GMDS: variants seen among roughly 807,000 people sequenced by gnomAD.
The protein encoded by GMDS is GDP-mannose 4,6 dehydratase.
GMDS carries 20 observed loss-of-function variants against 49.9 expected under a neutral mutation model. The ratio of observed to expected loss-of-function variants is 0.40; its 90% CI spans 0.28 to 0.58. The LOEUF (loss-of-function observed/expected upper bound fraction) is 0.58, where lower values mean the gene tolerates loss of function less well. Among genes scored for constraint, GMDS ranks in the 20% least tolerant of loss-of-function variants. The probability of loss-of-function intolerance (pLI) is 0.42; values close to 1 mark genes in which losing one functional copy is unlikely to be tolerated. For synonymous variants in GMDS, 177 were observed against 178.6 expected (o/e 0.99, Z 0.07); for missense variants, 362 against 481.4 (o/e 0.75, Z 2.32).
chr6:2,211,810 T>A (rs79313174), intron 1 of GMDS, among the ~76,000 whole-genome samples: 16 of 152,230 alleles, frequency 1.1e-4, no homozygotes, highest in African/African-American at 3.1e-4. Flanking sequence ...TTTATTCAAT[T>A]TGAAAACAAT....
chr6:1,808,584 T>A (rs1261907051), intron 7 of GMDS, among the ~76,000 whole-genome samples: 1 of 152,196 alleles, frequency 6.6e-6, no homozygotes, highest in Non-Finnish European at 1.5e-5. Context: ...TTTCATACAG[T>A]TTAGTACAGA....
intron 7 of GMDS, among the ~76,000 whole-genome samples, chr6:1,856,946 A>C (rs973561992): frequency 6.6e-6 from 1 of 152,180 alleles, no homozygotes; most frequent in African/African-American, 2.4e-5. Context: ...TGAGTTTGTA[A>C]GTTTTTCAGC....
intron 1 of GMDS, among the ~76,000 whole-genome samples, chr6:2,200,564 G>A (rs1188916664): frequency 2.3e-5 from 3 of 128,588 alleles, no homozygotes; most frequent in East Asian, 5.0e-4. Flanking sequence ...TGAAGAGAGA[G>A]CACCACATGG....
chr6:2,147,572 C>T (rs1247254630), intron 1 of GMDS, among the ~76,000 whole-genome samples: 2 of 151,898 alleles, frequency 1.3e-5, no homozygotes, highest in African/African-American at 4.8e-5. Flanking sequence ...GGCGTTAAGA[C>T]ATTGGAAACC....
intron 1 of GMDS, among the ~76,000 whole-genome samples, chr6:2,187,576 T>C (rs906273747): frequency 3.9e-5 from 6 of 152,200 alleles, no homozygotes; most frequent in African/African-American, 1.2e-4. Context: ...CATGAGATCC[T>C]ATCCTATGAG....
chr6:1,795,239 T>C (rs553270242), intron 7 of GMDS, among the ~76,000 whole-genome samples: 2 of 152,260 alleles, frequency 1.3e-5, no homozygotes, highest in Admixed American at 6.5e-5. Flanking sequence ...AAAATGAATG[T>C]ATTTTCATAC....
chr6:1,755,517 A>G (rs988551736), intron 7 of GMDS, among the ~76,000 whole-genome samples: 1 of 149,226 alleles, frequency 6.7e-6, no homozygotes, highest in Non-Finnish European at 1.5e-5. Flanking sequence ...AGAATTAGAA[A>G]AAACTACTTT....
intron 1 of GMDS, among the ~76,000 whole-genome samples, chr6:2,169,637 CA>C (rs1049968142): frequency 3.8e-4 from 50 of 132,404 alleles, no homozygotes; most frequent in Non-Finnish European, 7.3e-4. Flanking sequence ...AAAAAAAAAA[CA>C]AAAAAAAAGG....
intron 1 of GMDS, among the ~76,000 whole-genome samples, chr6:2,143,417 G>A (rs948051420): frequency 1.3e-5 from 2 of 152,116 alleles, no homozygotes; most frequent in African/African-American, 2.4e-5. Flanking sequence ...CCATCATCTG[G>A]GCAGTGTCCA....
chr6:1,897,831 T>G (rs1403015156), intron 7 of GMDS, among the ~76,000 whole-genome samples: 1 of 152,238 alleles, frequency 6.6e-6, no homozygotes, highest in African/African-American at 2.4e-5. Context: ...TGTCCAATGC[T>G]GAATGATCCC....
chr6:1,931,221 C>G, intron 6 of GMDS, among the ~76,000 whole-genome samples: 1 of 152,030 alleles, frequency 6.6e-6, no homozygotes, highest in East Asian at 1.9e-4. Flanking sequence ...ATGACTTTAA[C>G]TATGTTCTTT....
intron 7 of GMDS, among the ~76,000 whole-genome samples, chr6:1,830,599 T>C (rs916264903): frequency 2.7e-4 from 41 of 152,122 alleles, no homozygotes; most frequent in African/African-American, 8.7e-4. Flanking sequence ...CTAACAAAGG[T>C]ACAACACTTC....
intron 7 of GMDS, among the ~76,000 whole-genome samples, chr6:1,818,764 C>A (rs566347180): frequency 2.6e-5 from 4 of 151,794 alleles, no homozygotes; most frequent in African/African-American, 9.7e-5. Context: ...TATACATAGA[C>A]CCTGGATCAT....
chr6:1,660,003 G>C (rs1335183343), intron 9 of GMDS, among the ~76,000 whole-genome samples: 1 of 151,534 alleles, frequency 6.6e-6, no homozygotes, highest in Non-Finnish European at 1.5e-5. Flanking sequence ...CGGTGGCCTA[G>C]ACTCCAACGT....
chr6:1,629,183 G>A (rs1382123036), intron 9 of GMDS, among the ~76,000 whole-genome samples: 2 of 152,186 alleles, frequency 1.3e-5, no homozygotes, highest in Non-Finnish European at 2.9e-5. Context: ...CTCTTCTTGG[G>A]TGTAGCTTGA....
intron 1 of GMDS, among the ~76,000 whole-genome samples, chr6:2,126,112 T>C (rs532266534): frequency 1.3e-5 from 2 of 152,314 alleles, no homozygotes; most frequent in Admixed American, 1.3e-4. Context: ...GAGAGACATA[T>C]AATTAAACTA....
chr6:1,898,039 C>T (rs9503039), intron 7 of GMDS, among the ~76,000 whole-genome samples: 1,184 of 18,470 alleles, frequency 0.064, 48 homozygotes, highest in Middle Eastern at 0.1. Flanking sequence ...TGGACACCTA[C>T]CCTGGCCTCC....
At chr6:2,168,893 A>G (rs986108098) in intron 1 of GMDS, among the ~76,000 whole-genome samples, 9 of 152,252 alleles carry the variant, frequency 5.9e-5, no homozygotes, top group African/African-American at 2.2e-4. Flanking sequence ...ACAAAGAACA[A>G]AAAACTCCAC....
At chr6:1,630,546 G>A (rs1403711334) in intron 9 of GMDS, among the ~76,000 whole-genome samples, 1 of 152,230 alleles carries the variant, frequency 6.6e-6, no homozygotes, top group Admixed American at 6.5e-5. Flanking sequence ...GTCTGAGCCA[G>A]CTGAGCAGAG....
Sources: allele counts gnomAD v4.1 joint callset (sites outside exome capture counted in the v4.1 genomes callset), GRCh38; gene constraint gnomAD v4.1.1; transcripts MANE v1.5; gene names NCBI Gene and HGNC (gene_info 2026-07-23, HGNC 2026-07-21).